MTHFS: variants seen among roughly 807,000 people sequenced by gnomAD.
MTHFS encodes 5-formyltetrahydrofolate cyclo-ligase.
A neutral mutation model predicts 12.7 loss-of-function variants in MTHFS; 7 were observed. The observed-to-expected ratio is 0.55, with a 90% CI of 0.31 to 1.03. The LOEUF (loss-of-function observed/expected upper bound fraction) is 1.03, where lower values mean the gene tolerates loss of function less well. Ranked by LOEUF, MTHFS falls within the 50% of genes least tolerant of loss-of-function variation. The probability of loss-of-function intolerance (pLI) is 0.05; values close to 1 mark genes in which losing one functional copy is unlikely to be tolerated. For missense variants in MTHFS, 252 were observed against 258.1 expected (o/e 0.98, Z 0.16); for synonymous variants, 100 against 97.1 (o/e 1.03, Z -0.18).
Position 79,850,926 on chromosome 15 carries a change from T to C in MTHFS, c.380-5484A>G, listed in dbSNP as rs982767298. 2.0e-5 allele frequency among the ~76,000 whole-genome samples: 3 copies of C among 152,138 alleles called. No individual in the cohort carries two copies. The South Asian group carries it at 6.2e-4, about 32-fold the overall frequency. ...ATTCTTATTAATTCTGGCAGCGAGG[T>C]AGCCTGGGCCCCTGACACCTCCTAA... On this transcript the variant is annotated intron_variant, in intron 2 of 2. Transcript: ENST00000258874.
intron 2 of MTHFS, chr15:79,875,901 T>A (rs866535346): frequency 6.6e-6 from 1 of 152,060 alleles, no homozygotes; most frequent in Non-Finnish European, 1.5e-5. Flanking sequence ...GCAAAAGATT[T>A]GAATATTTGA....
At chr15:79,886,767 A>G (rs1213736603) in intron 2 of MTHFS, among the ~76,000 whole-genome samples, 1 of 152,204 alleles carries the variant, frequency 6.6e-6, no homozygotes, top group Non-Finnish European at 1.5e-5. Flanking sequence ...TTATCTTTCC[A>G]GACCTAAAAT....
intron 2 of MTHFS, among the ~76,000 whole-genome samples, chr15:79,848,349 G>C (rs941519956): frequency 2.6e-5 from 4 of 152,170 alleles, no homozygotes; most frequent in Admixed American, 2.6e-4. Flanking sequence ...AGGAGAAAGG[G>C]GGAGACAGAG....
Position 79,852,641 on chromosome 15 carries a change from A to G in MTHFS, c.380-7199T>C, listed in dbSNP as rs1015169317. 6.6e-5 allele frequency among the ~76,000 whole-genome samples: 10 copies of G among 152,310 alleles called. No individual in the cohort carries two copies. The East Asian group carries it at 1.9e-3, about 29-fold the overall frequency. ...TCTTACTATAAAATTCTTTCTTTTA[A>G]CACAGATACTAACATTTGCACCAGA... On this transcript the variant is annotated intron_variant, in intron 2 of 2. Coordinates refer to ENST00000258874, the MANE Select transcript of MTHFS (RefSeq NM_006441.4).
chr15:79,887,353 G>C (rs72734765), intron 2 of MTHFS, among the ~76,000 whole-genome samples: 1,663 of 152,306 alleles, frequency 0.011, 11 homozygotes, highest in Middle Eastern at 0.031. Context: ...TTTCACCACT[G>C]TACTTGAATA....
At chr15:79,878,861 C>CTTT (rs34987412) in intron 2 of MTHFS, among the ~76,000 whole-genome samples, 1 of 146,006 alleles carries the variant, frequency 6.8e-6, no homozygotes. Flanking sequence ...AGCTTATTCC[C>CTTT]TTTTTTTTTT....
intron 2 of MTHFS, among the ~76,000 whole-genome samples, chr15:79,865,019 A>G (rs1295438008): frequency 6.6e-6 from 1 of 152,230 alleles, no homozygotes; most frequent in Non-Finnish European, 1.5e-5. Context: ...AAATATTGTG[A>G]TGTGTTTTCT....
chr15:79,889,850 AC>A (rs2034444133), intron 1 of MTHFS, among the ~76,000 whole-genome samples: 1 of 152,066 alleles, frequency 6.6e-6, no homozygotes, highest in South Asian at 2.1e-4. Context: ...CTTCTGCCGA[AC>A]CCTTACTACA....
intron 1 of MTHFS, among the ~76,000 whole-genome samples, chr15:79,894,638 G>C (rs1241926222): frequency 2.6e-5 from 4 of 152,130 alleles, no homozygotes; most frequent in Non-Finnish European, 4.4e-5. Context: ...AGACAACGTA[G>C]AAGATTAGAA....
At chr15:79,846,768 T>C (rs967549222) in intron 2 of MTHFS, among the ~76,000 whole-genome samples, 2 of 152,236 alleles carry the variant, frequency 1.3e-5, no homozygotes, top group East Asian at 3.8e-4. Flanking sequence ...GGATTGACAG[T>C]GGACTGTGAA....
At chr15:79,872,103 C>CAAAAAAAAAAAAAAAAAAAAAAAAAA (rs58835744) in intron 2 of MTHFS, among the ~76,000 whole-genome samples, 1 of 66,772 alleles carries the variant, frequency 1.5e-5, no homozygotes, top group Non-Finnish European at 2.9e-5. Flanking sequence ...GACTCCGTCT[C>CAAAAAAAAAAAAAAAAAAAAAAAAAA]AAAAAAAAAA....
intron 2 of MTHFS, among the ~76,000 whole-genome samples, chr15:79,853,318 A>C (rs1460000236): frequency 6.6e-6 from 1 of 152,234 alleles, no homozygotes; most frequent in African/African-American, 2.4e-5. Context: ...CAAGGACAAG[A>C]GCCTTGGAGG....
intron 1 of MTHFS, among the ~76,000 whole-genome samples, chr15:79,893,685 G>A (rs2034515306): frequency 6.9e-6 from 1 of 144,356 alleles, no homozygotes; most frequent in Non-Finnish European, 1.5e-5. Context: ...GCAACAGAGC[G>A]AGACTCCCTC....
At chr15:79,893,294 T>C (rs1448398787) in intron 1 of MTHFS, among the ~76,000 whole-genome samples, 3 of 151,482 alleles carry the variant, frequency 2.0e-5, no homozygotes, top group Non-Finnish European at 2.9e-5. Context: ...TCCCAGCTAC[T>C]TGGGAGGCTG....
chr15:79,892,980 T>C (rs1218425270), intron 1 of MTHFS, among the ~76,000 whole-genome samples: 1 of 152,068 alleles, frequency 6.6e-6, no homozygotes, highest in Non-Finnish European at 1.5e-5. Context: ...ATACAAGGTA[T>C]GTATTCAGTG....
chr15:79,896,802 C>T, intron 1 of MTHFS, 70 bp downstream of exon 1: 3 of 1,506,844 alleles, frequency 2.0e-6, no homozygotes, highest in African/African-American at 1.4e-5. Context: ...ATGCACAGAT[C>T]AGCAATCGCT....
chr15:79,861,927 C>T (rs2033922166), intron 2 of MTHFS, among the ~76,000 whole-genome samples: 1 of 152,168 alleles, frequency 6.6e-6, no homozygotes, highest in African/African-American at 2.4e-5. Context: ...ACAGTGGTCA[C>T]ATCTGGGGAA....
Position 79,890,587 on chromosome 15 carries a change from A to G in MTHFS, c.118-1233T>C, listed in dbSNP as rs186538465. 1.7e-4 allele frequency among the ~76,000 whole-genome samples: 26 copies of G among 152,276 alleles called. No homozygotes were observed. In the East Asian group the frequency reaches 3.3e-3, roughly 19 times the overall value. On this transcript the variant is annotated intron_variant, in intron 1 of 2. Coordinates refer to ENST00000258874, the MANE Select transcript of MTHFS (RefSeq NM_006441.4). ...CCCTATTCTCCAAACTAAAAAGAAAAGAATACTTTTCTTATTCTTTATAAG... is the reference window on the plus strand; with the variant it reads ...CCCTATTCTCCAAACTAAAAAGAAAGGAATACTTTTCTTATTCTTTATAAG...
intron 2 of MTHFS, among the ~76,000 whole-genome samples, chr15:79,859,238 T>A (rs1414752225): frequency 6.6e-6 from 1 of 152,192 alleles, no homozygotes; most frequent in Non-Finnish European, 1.5e-5. Flanking sequence ...CAGTTAATCT[T>A]AAAAAATAAA....
Sources: gnomAD v4.1 joint callset for allele counts (sites outside exome capture counted in the v4.1 genomes callset) on GRCh38, gnomAD v4.1.1 for gene constraint, MANE v1.5 for transcripts, NCBI Gene and HGNC (gene_info 2026-07-23, HGNC 2026-07-21) for gene names.